Variants in RAD54L2 observed in about 807,000 individuals in gnomAD.
RAD54L2 encodes the protein helicase ARIP4.
Under a neutral mutation model 138.4 loss-of-function variants are expected in RAD54L2, and 27 were observed. The ratio of observed to expected loss-of-function variants is 0.20; its 90% CI spans 0.14 to 0.27. The LOEUF is 0.27. Ranked by LOEUF, RAD54L2 falls within the 10% of genes least tolerant of loss-of-function variation. The pLI is 1.00. For missense variants in RAD54L2, 1,396 were observed against 1,890.2 expected, an observed-to-expected ratio of 0.74 and a Z score of 4.85; for synonymous variants, 644 against 723.2, an observed-to-expected ratio of 0.89 and a Z score of 1.76.
chr3:51,566,466 G>GTTGTTT (rs1699219853), intron 2 of RAD54L2, among the ~76,000 whole-genome samples: 1 of 31,516 alleles, frequency 3.2e-5, no homozygotes, highest in Non-Finnish European at 5.5e-5. Flanking sequence ...CCTTTTCTGC[G>GTTGTTT]TTTTTTTTTT....
intron 3 of RAD54L2, among the ~76,000 whole-genome samples, chr3:51,626,607 G>A (rs1293247704): frequency 3.3e-5 from 5 of 151,322 alleles, no homozygotes; most frequent in Non-Finnish European, 7.4e-5. Flanking sequence ...ACCATGCCTG[G>A]CTAATTTTTG....
chr3:51,590,330 AC>A (rs1428890509), intron 2 of RAD54L2, 36 bp from the exon 3 acceptor site: 24 of 1,392,996 alleles, frequency 1.7e-5, no homozygotes, highest in Non-Finnish European at 2.3e-5. Context: ...CCTAAGCAAA[AC>A]CCTTGGTGAT....
intron 3 of RAD54L2, among the ~76,000 whole-genome samples, chr3:51,593,182 C>G (rs1421305665): frequency 6.6e-6 from 1 of 151,978 alleles, no homozygotes; most frequent in African/African-American, 2.4e-5. Flanking sequence ...CTACTGTCAT[C>G]TTGTGGATAG....
chr3:51,638,070 G>A lies in RAD54L2; in HGVS notation c.1683-74G>A. The A allele has an allele frequency of 7.0e-7, 1 of 1,424,320 alleles. No individual in the cohort carries two copies. Among genetic ancestry groups the A allele is most frequent in the Non-Finnish European group, 9.7e-7 (1 of 1,031,044 alleles). 88.2% of individuals were successfully genotyped at this position (1,424,320 alleles called of 1,614,324 possible). A position where few individuals can be genotyped will look rare whatever the true frequency, so the allele number is the denominator to read the frequency against. On this transcript the variant is annotated intron_variant, in intron 11 of 22. Transcript: ENST00000684192. This position sits in a 1 kb window ranked among gnomAD's most constrained non-coding sequence, Gnocchi z 4.3. ...AGGGAGGTGTGGCAGGAGTGCAAAA[G>A]GCTCTGTTTTTATCTTGTGCTGACC...
At chr3:51,546,119 A>G (rs933080350) in intron 2 of RAD54L2, among the ~76,000 whole-genome samples, 3 of 150,714 alleles carry the variant, frequency 2.0e-5, no homozygotes, top group South Asian at 2.1e-4. Context: ...TTGTATTTTT[A>G]GTAGAGACAG....
At chr3:51,649,561 C>T (rs1256698375) in intron 19 of RAD54L2, among the ~76,000 whole-genome samples, 1 of 152,176 alleles carries the variant, frequency 6.6e-6, no homozygotes, top group Admixed American at 6.5e-5. Flanking sequence ...GGTCGGGTTA[C>T]CCACAAAGGG....
At chr3:51,652,641 G>A (rs1026549453) in intron 19 of RAD54L2, among the ~76,000 whole-genome samples, 2 of 152,154 alleles carry the variant, frequency 1.3e-5, no homozygotes, top group African/African-American at 4.8e-5. Context: ...ACAACCATCT[G>A]ATCTTTGACA....
chr3:51,633,572 G>A lies in RAD54L2; in HGVS notation c.826-5G>A, dbSNP rs755831461. On this transcript the variant is annotated splice_polypyrimidine_tract_variant and splice_region_variant and intron_variant, in intron 7 of 22. Coordinates refer to ENST00000684192, the MANE Select transcript of RAD54L2 (RefSeq NM_015106.4). ...CCTCTGACATTTGTCTTTGTCCCTT[G>A]TCAGATTGGCGGGATCCGGTTCCTT... 3.1e-6 allele frequency: 5 copies of A among 1,611,170 alleles called. No homozygotes were observed. The South Asian group carries it at 4.4e-5, about 14-fold the overall frequency.
At chr3:51,571,192 T>C (rs367876643) in intron 2 of RAD54L2, among the ~76,000 whole-genome samples, 3 of 152,150 alleles carry the variant, frequency 2.0e-5, no homozygotes, top group Admixed American at 6.5e-5. Context: ...TCATTTTTTT[T>C]CTCCAAAATA....
intron 3 of RAD54L2, among the ~76,000 whole-genome samples, chr3:51,595,486 A>G (rs1433239815): frequency 6.6e-6 from 1 of 152,156 alleles, no homozygotes; most frequent in Non-Finnish European, 1.5e-5. Flanking sequence ...TAGGGAGTGG[A>G]TGGGGGAGTG....
At chr3:51,622,897 T>C (rs544576632) in intron 3 of RAD54L2, among the ~76,000 whole-genome samples, 1 of 152,284 alleles carries the variant, frequency 6.6e-6, no homozygotes, top group African/African-American at 2.4e-5. Context: ...TGCCTACCCA[T>C]TCTGTTATTT....
intron 2 of RAD54L2, among the ~76,000 whole-genome samples, chr3:51,570,139 ATTTTTTT>A (rs374562749): frequency 9.9e-5 from 10 of 100,972 alleles, no homozygotes; most frequent in African/African-American, 2.3e-4. Context: ...AGCCTTTTTA[ATTTTTTT>A]TTTTTTTTTT....
chr3:51,658,566 T>A (rs556019685), intron 21 of RAD54L2, among the ~76,000 whole-genome samples: 6 of 152,318 alleles, frequency 3.9e-5, no homozygotes, highest in African/African-American at 1.4e-4. Context: ...TGCACCCACG[T>A]CTTCTATCCA....
chr3:51,548,123 A>G (rs1345266711), intron 2 of RAD54L2, among the ~76,000 whole-genome samples: 3 of 151,686 alleles, frequency 2.0e-5, no homozygotes, highest in Admixed American at 6.6e-5. Context: ...TGAACTCCTG[A>G]CCTCAGGTGA....
chr3:51,557,830 CAAAAAAAAAAAAA>C (rs1166273906), intron 2 of RAD54L2, among the ~76,000 whole-genome samples: 1 of 32,230 alleles, frequency 3.1e-5, no homozygotes, highest in South Asian at 1.1e-3. Flanking sequence ...AACTCCATCT[CAAAAAAAAAAAAA>C]AAAAAAAAAA....
chr3:51,631,589 C>A (rs1700844541), intron 7 of RAD54L2, among the ~76,000 whole-genome samples: 1 of 151,498 alleles, frequency 6.6e-6, no homozygotes, highest in Admixed American at 6.6e-5. Flanking sequence ...AGCGATCCAC[C>A]TGCCTCAGCC....
intron 13 of RAD54L2, 61 bp downstream of exon 13, chr3:51,639,731 C>G: frequency 6.3e-7 from 1 of 1,591,260 alleles, no homozygotes; most frequent in South Asian, 1.1e-5. Flanking sequence ...GGTGCAAGCC[C>G]TGCCTGGGGA....
At chr3:51,624,752 C>T (rs1700640218) in intron 3 of RAD54L2, among the ~76,000 whole-genome samples, 1 of 152,166 alleles carries the variant, frequency 6.6e-6, no homozygotes, top group Non-Finnish European at 1.5e-5. Flanking sequence ...TTGTGGCAAA[C>T]ATTAGTTTTG....
chr3:51,640,891 A>G (rs1553688309), intron 14 of RAD54L2, among the ~76,000 whole-genome samples: 2 of 152,084 alleles, frequency 1.3e-5, no homozygotes, highest in Non-Finnish European at 2.9e-5. Context: ...TGAAGAGAGT[A>G]TTTTTTCAGT....
Sources: allele counts gnomAD v4.1 joint callset (sites outside exome capture counted in the v4.1 genomes callset), GRCh38; gene constraint gnomAD v4.1.1; non-coding constraint Gnocchi (gnomAD v3.1); transcripts MANE v1.5; gene names NCBI Gene and HGNC (gene_info 2026-07-23, HGNC 2026-07-21).